The following C9 variants were observed in gnomAD, a reference collection of about 807,000 sequenced individuals.
C9 encodes complement C9.
C9 carries 63 observed loss-of-function variants against 65.4 expected under a neutral mutation model. That is an observed-to-expected ratio of 0.96 (90% confidence interval 0.79 to 1.19). C9 has a LOEUF of 1.19. C9 is among the 50% of genes most tolerant of loss of function. The pLI is 0.00. For missense variants in C9, 744 were observed against 670.1 expected, an observed-to-expected ratio of 1.11 and a Z score of -1.22; for synonymous variants, 229 against 227.9, an observed-to-expected ratio of 1.00 and a Z score of -0.04.
chr5:39,342,159 A>T lies in C9; in HGVS notation c.115T>A (p.Ser39Thr). 1 of 1,607,722 alleles carries T rather than the reference A, an allele frequency of 6.2e-7. No homozygotes were observed. The highest frequency in any genetic ancestry group is 8.5e-7 in the Non-Finnish European group (1 of 1,174,176). Reference protein sequence around the residue: ...PELTESSGSASHIDCRMSPWS... With the variant: ...PELTESSGSATHIDCRMSPWS... Reference sequence around the variant, plus strand: ...GGGCTCATTCTGCAGTCTATGTGTGATGCAGAGCCACTGCTTTCTGTTAGC... The same window carrying T: ...GGGCTCATTCTGCAGTCTATGTGTGTTGCAGAGCCACTGCTTTCTGTTAGC... Residue 39 changes from serine (S) to threonine (T), a missense_variant, in exon 2 of 11, where the codon TCA (serine) becomes ACA (threonine). Ser to Thr is a moderately conservative substitution (Grantham distance 58). Transcript: ENST00000263408.
chr5:39,333,550 T>C (rs1753882128), intron 4 of C9, among the ~76,000 whole-genome samples: 1 of 84,056 alleles, frequency 1.2e-5, no homozygotes, highest in Non-Finnish European at 2.5e-5. Flanking sequence ...AAATAAACAC[T>C]TATATCTCCC....
At chr5:39,346,969 C>G (rs1754209761) in intron 1 of C9, among the ~76,000 whole-genome samples, 1 of 152,166 alleles carries the variant, frequency 6.6e-6, no homozygotes, top group Non-Finnish European at 1.5e-5. Context: ...CAAAATTCAA[C>G]AGCCCTTCAT....
At chr5:39,357,998 A>T (rs377146984) in intron 1 of C9, among the ~76,000 whole-genome samples, 1 of 152,092 alleles carries the variant, frequency 6.6e-6, no homozygotes, top group African/African-American at 2.4e-5. Context: ...AAAGACACCC[A>T]GTTGTTCAGC....
chr5:39,357,662 T>G (rs191885254), intron 1 of C9, among the ~76,000 whole-genome samples: 1 of 152,306 alleles, frequency 6.6e-6, no homozygotes, highest in East Asian at 1.9e-4. Flanking sequence ...GAGACTGCCC[T>G]AGGACTGGAG....
At chr5:39,357,639 G>C (rs1004457489) in intron 1 of C9, among the ~76,000 whole-genome samples, 4 of 152,194 alleles carry the variant, frequency 2.6e-5, no homozygotes, top group African/African-American at 9.6e-5. Context: ...AAAGCAGACC[G>C]GGTAAGAGGA....
chr5:39,330,998 A>T (rs929507506), intron 5 of C9, among the ~76,000 whole-genome samples: 7 of 152,216 alleles, frequency 4.6e-5, no homozygotes, highest in African/African-American at 1.7e-4. Flanking sequence ...ACTTTAAGAA[A>T]CAGACTCTTG....
chr5:39,301,437 C>G (rs1753281312), intron 9 of C9, among the ~76,000 whole-genome samples: 1 of 151,810 alleles, frequency 6.6e-6, no homozygotes, highest in African/African-American at 2.4e-5. Context: ...GAAATTTGTA[C>G]AAAACCTGTG....
intron 5 of C9, among the ~76,000 whole-genome samples, chr5:39,323,414 C>A (rs531175141): frequency 8.6e-5 from 13 of 150,900 alleles, no homozygotes; most frequent in Non-Finnish European, 5.9e-5. Flanking sequence ...GTATATATAT[C>A]TTCAATAAAA....
chr5:39,327,354 A>G (rs1753764938), intron 5 of C9, among the ~76,000 whole-genome samples: 1 of 152,178 alleles, frequency 6.6e-6, no homozygotes, highest in Non-Finnish European at 1.5e-5. Context: ...CACTATTTTG[A>G]GTCATTCCTA....
At chr5:39,333,557 T>TCCCTCTCCCTCTCCCTCTCCCTCG (rs2111933430) in intron 4 of C9, among the ~76,000 whole-genome samples, 1 of 136,614 alleles carries the variant, frequency 7.3e-6, no homozygotes, top group East Asian at 2.1e-4. Flanking sequence ...CACTTATATC[T>TCCCTCTCCCTCTCCCTCTCCCTCG]CCCTCTCCCT....
chr5:39,342,005 C>G (rs1029999827), intron 2 of C9, 86 bp downstream of exon 2: 4 of 844,476 alleles, frequency 4.7e-6, no homozygotes, highest in Middle Eastern at 2.2e-4. Context: ...TTGTGGGGCT[C>G]CCTGCCTCAT....
At chr5:39,329,190 T>C (rs1753802301) in intron 5 of C9, among the ~76,000 whole-genome samples, 1 of 152,218 alleles carries the variant, frequency 6.6e-6, no homozygotes, top group South Asian at 2.1e-4. Flanking sequence ...TTTTTACTTC[T>C]ACAGTTGTTC....
At chr5:39,310,305 A>G (rs1436757126) in intron 7 of C9, among the ~76,000 whole-genome samples, 1 of 152,142 alleles carries the variant, frequency 6.6e-6, no homozygotes, top group Non-Finnish European at 1.5e-5. Flanking sequence ...TCCCTAAGAG[A>G]CACACCTATA....
At position 39,301,037 on chromosome 5, in the gene C9, A is replaced by C. The variant is rs535395934; in HGVS notation, c.1416+5580T>G. 3.3e-5 allele frequency among the ~76,000 whole-genome samples: 5 copies of C among 152,260 alleles called. No individual in the cohort carries two copies. The South Asian group carries it at 1.0e-3, about 32-fold the overall frequency. ...GTTGAAGGATAATACATAGGAAAGT[A>C]TCAAGGCCTTGAGGTAGGAAACAAC... On this transcript the variant is annotated intron_variant, in intron 9 of 10. Transcript: ENST00000263408.
intron 5 of C9, among the ~76,000 whole-genome samples, chr5:39,327,039 C>A (rs759089978): frequency 6.6e-6 from 1 of 151,808 alleles, no homozygotes; most frequent in Non-Finnish European, 1.5e-5. Context: ...CCAAAAAGCA[C>A]GTATTATACA....
Position 39,364,406 on chromosome 5 carries a change from G to A in C9, c.59C>T (p.Thr20Ile). The A allele has an allele frequency of 1.3e-6, 2 of 1,599,992 alleles. No individual in the cohort carries two copies. Among genetic ancestry groups the A allele is most frequent in the South Asian group, 1.1e-5 (1 of 90,782 alleles). The change falls in exon 1 of 11, where the codon ACA (threonine) becomes ATA (isoleucine). Residue 20 changes from threonine to isoleucine, a missense_variant. Physicochemically the swap from Thr to Ile is moderately conservative, Grantham distance 89. Coordinates refer to ENST00000263408, the MANE Select transcript of C9 (RefSeq NM_001737.5). ...AICILEISIL[T>I]AQYTTSYDPE... ...GACTCACCTGGTCGTGTACTGTGCTGTGAGGATGCTTATTTCTAAAATGCA... is the reference window on the plus strand; with the variant it reads ...GACTCACCTGGTCGTGTACTGTGCTATGAGGATGCTTATTTCTAAAATGCA...
At chr5:39,357,641 G>C (rs1262828684) in intron 1 of C9, among the ~76,000 whole-genome samples, 1 of 152,196 alleles carries the variant, frequency 6.6e-6, no homozygotes, top group Non-Finnish European at 1.5e-5. Context: ...AGCAGACCGG[G>C]TAAGAGGATA....
chr5:39,327,854 G>A (rs969972713), intron 5 of C9, among the ~76,000 whole-genome samples: 1 of 152,156 alleles, frequency 6.6e-6, no homozygotes, highest in Non-Finnish European at 1.5e-5. Flanking sequence ...TTCTCCAAAA[G>A]GGAGCTCAAA....
intron 1 of C9, among the ~76,000 whole-genome samples, chr5:39,357,807 G>C (rs902012727): frequency 6.6e-6 from 1 of 152,182 alleles, no homozygotes; most frequent in Non-Finnish European, 1.5e-5. Context: ...CTGGGCCTTT[G>C]TGACAGCCTT....
Sources: allele counts gnomAD v4.1 joint callset (sites outside exome capture counted in the v4.1 genomes callset), GRCh38; gene constraint gnomAD v4.1.1; transcripts MANE v1.5; gene names NCBI Gene and HGNC (gene_info 2026-07-23, HGNC 2026-07-21).